The following CYP2C18 variants were observed in gnomAD, a reference collection of about 807,000 sequenced individuals.
CYP2C18 encodes cytochrome P450 family 2 subfamily C member 18.
Under a neutral mutation model 41.3 loss-of-function variants are expected in CYP2C18, and 38 were observed. That is an observed-to-expected ratio of 0.92 (90% confidence interval 0.71 to 1.21). The LOEUF (loss-of-function observed/expected upper bound fraction) is 1.21, where lower values mean the gene tolerates loss of function less well. Ranked by LOEUF, CYP2C18 falls within the 50% of genes most tolerant of loss-of-function variation. CYP2C18 has a pLI of 0.00. For synonymous variants in CYP2C18, 236 were observed against 210.0 expected, an observed-to-expected ratio of 1.12 and a Z score of -1.07; for missense variants, 635 against 591.4, an observed-to-expected ratio of 1.07 and a Z score of -0.77.
intron 4 of CYP2C18, among the ~76,000 whole-genome samples, chr10:94,704,468 GC>G (rs916847367): frequency 1.3e-5 from 2 of 151,108 alleles, no homozygotes; most frequent in Admixed American, 6.6e-5. Context: ...ATGTGGAGAG[GC>G]AAAAAAGAGA....
chr10:94,697,993 G>A (rs1304223338), intron 4 of CYP2C18, among the ~76,000 whole-genome samples: 1 of 152,140 alleles, frequency 6.6e-6, no homozygotes, highest in Non-Finnish European at 1.5e-5. Context: ...AGTCCTTAGA[G>A]ACCTACGAAG....
chr10:94,693,424 A>T (rs1847050703), intron 3 of CYP2C18, among the ~76,000 whole-genome samples: 1 of 152,130 alleles, frequency 6.6e-6, no homozygotes, highest in African/African-American at 2.4e-5. Context: ...CAGAACTAGG[A>T]GCCAATTAAA....
At chr10:94,701,216 C>A (rs957315791) in intron 4 of CYP2C18, among the ~76,000 whole-genome samples, 1 of 152,110 alleles carries the variant, frequency 6.6e-6, no homozygotes, top group East Asian at 1.9e-4. Context: ...CTTGGAACCA[C>A]ACCAAATATC....
In CYP2C18 at chr10:94,706,882, A is replaced by G. The variant is rs1847353416; in HGVS notation, c.741A>G (p.Arg247=). 6.2e-7 allele frequency: 1 copy of G among 1,612,762 alleles called. No individual in the cohort carries two copies. Among genetic ancestry groups the G allele is most frequent in the Non-Finnish European group, 8.5e-7 (1 of 1,179,168 alleles). The part of the protein sequence containing the change: ...FAYIKSYVLE[R]IKEHQESLDM... ...ACATTAAAAGTTATGTATTGGAGAG[A>G]ATAAAAGAACATCAAGAATCCCTGG... The change falls in exon 5 of 9, where the codon AGA becomes AGG. Residue 247 remains arginine, a synonymous_variant. Transcript: ENST00000285979.
intron 5 of CYP2C18, among the ~76,000 whole-genome samples, chr10:94,718,843 G>T (rs1589803663): frequency 1.3e-5 from 2 of 152,244 alleles, no homozygotes; most frequent in East Asian, 3.9e-4. Context: ...GTAGATAGCT[G>T]TGGGGAACCT....
At chr10:94,714,164 A>G (rs1254522103) in intron 5 of CYP2C18, among the ~76,000 whole-genome samples, 2 of 152,168 alleles carry the variant, frequency 1.3e-5, no homozygotes, top group African/African-American at 4.8e-5. Flanking sequence ...TTTGCTGTGC[A>G]GAAGCTCTTT....
intron 7 of CYP2C18, among the ~76,000 whole-genome samples, chr10:94,728,979 C>T (rs1013889100): frequency 2.0e-5 from 3 of 152,076 alleles, no homozygotes; most frequent in African/African-American, 7.2e-5. Context: ...GGAGGGGACC[C>T]GCTTTCAAGA....
chr10:94,707,510 C>A (rs1847365070), intron 5 of CYP2C18, among the ~76,000 whole-genome samples: 1 of 152,072 alleles, frequency 6.6e-6, no homozygotes, highest in Non-Finnish European at 1.5e-5. Flanking sequence ...TGTCTGTAAG[C>A]TGCAGACCTG....
chr10:94,729,643 A>G (rs1192033407), intron 7 of CYP2C18, among the ~76,000 whole-genome samples: 1 of 152,146 alleles, frequency 6.6e-6, no homozygotes, highest in African/African-American at 2.4e-5. Context: ...TTTTGTATAT[A>G]TAAACAATCT....
chr10:94,725,811 T>C (rs1035343801), intron 7 of CYP2C18, among the ~76,000 whole-genome samples: 1 of 152,108 alleles, frequency 6.6e-6, no homozygotes, highest in Non-Finnish European at 1.5e-5. Context: ...GGGTTTTATT[T>C]GCTATGATTT....
intron 5 of CYP2C18, among the ~76,000 whole-genome samples, chr10:94,714,716 A>G (rs1045310139): frequency 2.0e-5 from 3 of 152,198 alleles, no homozygotes; most frequent in African/African-American, 7.2e-5. Context: ...TCTGTGAAGA[A>G]AGTCATTGGT....
At chr10:94,707,666 A>C (rs1847367199) in intron 5 of CYP2C18, among the ~76,000 whole-genome samples, 1 of 152,226 alleles carries the variant, frequency 6.6e-6, no homozygotes, top group Non-Finnish European at 1.5e-5. Flanking sequence ...AACTTGCTAC[A>C]AGACATTTCA....
At chr10:94,735,183 CA>C (rs1847898149) in intron 8 of CYP2C18, 79 bp from the exon 9 acceptor site, 1 of 1,358,736 alleles carries the variant, frequency 7.4e-7, no homozygotes, top group Non-Finnish European at 1.0e-6. Context: ...AATCATTTAT[CA>C]AATAGTTACT....
At chr10:94,715,360 A>G (rs1336628688) in intron 5 of CYP2C18, among the ~76,000 whole-genome samples, 1 of 152,186 alleles carries the variant, frequency 6.6e-6, no homozygotes, top group East Asian at 1.9e-4. Flanking sequence ...TCCCATCAAT[A>G]CCGAATTTAT....
intron 7 of CYP2C18, among the ~76,000 whole-genome samples, chr10:94,731,379 C>CA (rs149051841): frequency 0.19 from 26,792 of 142,252 alleles, 2,584 homozygotes; most frequent in East Asian, 0.38. Flanking sequence ...GACTCTGTCT[C>CA]AAAAAAAAAA....
At chr10:94,730,974 T>C (rs1356423277) in intron 7 of CYP2C18, among the ~76,000 whole-genome samples, 3 of 152,110 alleles carry the variant, frequency 2.0e-5, no homozygotes, top group Non-Finnish European at 4.4e-5. Flanking sequence ...ACCAAGGAAG[T>C]GAAAGATCTC....
intron 6 of CYP2C18, 28 bp downstream of exon 6, chr10:94,720,565 T>C (rs1161658204): frequency 1.8e-5 from 28 of 1,598,510 alleles, no homozygotes; most frequent in Non-Finnish European, 2.1e-5. Context: ...GTGAGCAGGG[T>C]GATTTTCAGA....
chr10:94,700,369 C>A (rs539517174), intron 4 of CYP2C18, among the ~76,000 whole-genome samples: 1 of 152,274 alleles, frequency 6.6e-6, no homozygotes, highest in East Asian at 1.9e-4. Context: ...CAAAAACAAG[C>A]AATGGGGAGA....
chr10:94,729,995 C>T (rs1015440751), intron 7 of CYP2C18, among the ~76,000 whole-genome samples: 3 of 152,118 alleles, frequency 2.0e-5, no homozygotes, highest in Non-Finnish European at 2.9e-5. Flanking sequence ...ATGTTGAAAA[C>T]TAGTTGAGAA....
Sources: gnomAD v4.1 joint callset for allele counts (sites outside exome capture counted in the v4.1 genomes callset) on GRCh38, gnomAD v4.1.1 for gene constraint, MANE v1.5 for transcripts, NCBI Gene and HGNC (gene_info 2026-07-23, HGNC 2026-07-21) for gene names.